IDO2: variants seen among roughly 807,000 people sequenced by gnomAD.
IDO2 encodes the protein indoleamine 2,3-dioxygenase 2, also known as indoleamine 2,3-dioxygenase-like 1 protein.
A neutral mutation model predicts 45.1 loss-of-function variants in IDO2; 46 were observed. That is an observed-to-expected ratio of 1.02 (90% CI 0.80 to 1.30). The LOEUF (loss-of-function observed/expected upper bound fraction) is 1.30. IDO2 is among the 50% of genes most tolerant of loss of function. The pLI is 0.00. For synonymous variants in IDO2, 218 were observed against 184.9 expected, an observed-to-expected ratio of 1.18 and a Z score of -1.45; for missense variants, 544 against 491.8, an observed-to-expected ratio of 1.11 and a Z score of -1.00.
chr8:39,948,342 C>G (rs1041368842), intron 1 of IDO2, among the ~76,000 whole-genome samples: 2 of 152,180 alleles, frequency 1.3e-5, no homozygotes, highest in African/African-American at 4.8e-5. Flanking sequence ...CTGCTCACCA[C>G]AGATCACTGG....
intron 2 of IDO2, among the ~76,000 whole-genome samples, chr8:39,954,020 C>T (rs575175328): frequency 5.9e-5 from 9 of 152,214 alleles, no homozygotes; most frequent in Admixed American, 3.3e-4. Context: ...ACTTAATAAC[C>T]CTTTCTGCAT....
chr8:39,947,174 A>T (rs1807747493), intron 1 of IDO2, among the ~76,000 whole-genome samples: 1 of 140,030 alleles, frequency 7.1e-6, no homozygotes, highest in South Asian at 2.1e-4. Context: ...AAGGTATCAA[A>T]AAAAAAAAAA....
intron 2 of IDO2, among the ~76,000 whole-genome samples, chr8:39,959,232 C>T (rs549048194): frequency 1.3e-5 from 2 of 151,906 alleles, no homozygotes; most frequent in South Asian, 2.1e-4. Flanking sequence ...CTTAGCCTCC[C>T]GAGTAGCTGG....
intron 1 of IDO2, among the ~76,000 whole-genome samples, chr8:39,937,981 A>G (rs1807584245): frequency 6.6e-6 from 1 of 152,230 alleles, no homozygotes; most frequent in Non-Finnish European, 1.5e-5. Context: ...GTTTTATAAT[A>G]ACAAAATGTA....
chr8:39,949,152 C>T, exon 2 of IDO2: 1 of 1,600,868 alleles, frequency 6.2e-7, no homozygotes. Context: ...CATGCAGATA[C>T]TTCAAACAAA....
Position 39,975,618 on chromosome 8 carries a change from G to A in IDO2, c.196-3449G>A, listed in dbSNP as rs1252238760. ...ACCATACAACTGAAAAATGCTTAAA[G>A]TCTGGCATGAACAGGTATTGGCAGG... On this transcript the variant is annotated intron_variant, in intron 3 of 10. Transcript: ENST00000502986. 4.6e-5 allele frequency among the ~76,000 whole-genome samples: 7 copies of A among 152,148 alleles called. No individual in the cohort carries two copies. In the East Asian group the frequency reaches 1.2e-3, roughly 25 times the overall value.
At chr8:39,940,886 C>T (rs1172316551) in intron 1 of IDO2, among the ~76,000 whole-genome samples, 1 of 148,702 alleles carries the variant, frequency 6.7e-6, no homozygotes, top group Non-Finnish European at 1.5e-5. Flanking sequence ...ACATGCAACT[C>T]TTAAGTATAT....
intron 2 of IDO2, among the ~76,000 whole-genome samples, chr8:39,960,562 C>G (rs1029107768): frequency 1.3e-5 from 2 of 152,232 alleles, no homozygotes; most frequent in African/African-American, 4.8e-5. Flanking sequence ...TACATTTTCT[C>G]TATTTTCTAA....
At chr8:39,983,736 C>T (rs977921600) in intron 5 of IDO2, among the ~76,000 whole-genome samples, 3 of 151,990 alleles carry the variant, frequency 2.0e-5, no homozygotes, top group Non-Finnish European at 4.4e-5. Flanking sequence ...CATGGTGGCA[C>T]ATACCTGTAA....
chr8:39,985,336 G>T, intron 5 of IDO2, 172 bp from the exon 6 acceptor site: 1 of 621,340 alleles, frequency 1.6e-6, no homozygotes, highest in Non-Finnish European at 2.9e-6. Context: ...GCCACAACTT[G>T]CAGAATTCAA....
At chr8:39,941,279 T>C (rs1336125943) in intron 1 of IDO2, among the ~76,000 whole-genome samples, 1 of 145,206 alleles carries the variant, frequency 6.9e-6, no homozygotes, top group African/African-American at 2.5e-5. Context: ...GCGACAATAC[T>C]CCCGGCTCTC....
At chr8:39,935,427 T>G (rs761438054) in intron 1 of IDO2, among the ~76,000 whole-genome samples, 104 of 17,424 alleles carry the variant, frequency 6.0e-3, no homozygotes, top group African/African-American at 7.1e-3. Flanking sequence ...CTTTTCTGGT[T>G]GTTGTTGTTG....
At chr8:39,945,801 G>A (rs958137361) in intron 1 of IDO2, among the ~76,000 whole-genome samples, 5 of 152,104 alleles carry the variant, frequency 3.3e-5, no homozygotes, top group South Asian at 4.1e-4. Flanking sequence ...TAGTGAAACC[G>A]CCTTTGCAAA....
intron 8 of IDO2, among the ~76,000 whole-genome samples, chr8:39,999,929 G>C (rs1802108755): frequency 6.6e-6 from 1 of 152,156 alleles, no homozygotes; most frequent in African/African-American, 2.4e-5. Context: ...TTGATTGCTG[G>C]GGTCAGGAAT....
intron 8 of IDO2, among the ~76,000 whole-genome samples, chr8:40,000,640 T>TGTTA (rs149265889): frequency 6.6e-6 from 1 of 151,762 alleles, no homozygotes; most frequent in Non-Finnish European, 1.5e-5. Flanking sequence ...CACTTATTTC[T>TGTTA]GTTTGTTTGT....
chr8:39,958,708 C>T (rs757770120), intron 2 of IDO2, among the ~76,000 whole-genome samples: 4 of 152,176 alleles, frequency 2.6e-5, no homozygotes, highest in Non-Finnish European at 5.9e-5. Context: ...ATCTCAGCCT[C>T]CCAAAGTGCT....
intron 2 of IDO2, among the ~76,000 whole-genome samples, chr8:39,959,080 C>T (rs533744601): frequency 1.3e-5 from 2 of 151,270 alleles, no homozygotes; most frequent in African/African-American, 2.4e-5. Flanking sequence ...TGTTGTGCTA[C>T]TTCAGTCTGA....
chr8:39,952,020 G>A (rs1807821526), intron 2 of IDO2, among the ~76,000 whole-genome samples: 1 of 152,204 alleles, frequency 6.6e-6, no homozygotes, highest in Non-Finnish European at 1.5e-5. Flanking sequence ...GTTTTACTGT[G>A]TTATGTTCAT....
At chr8:39,982,888 G>A in intron 5 of IDO2, 118 bp downstream of exon 5, 2 of 658,626 alleles carry the variant, frequency 3.0e-6, no homozygotes, top group Non-Finnish European at 4.9e-6. Context: ...CCAAAGAAGG[G>A]GTGAGCTTGA....
Sources: gnomAD v4.1 joint callset for allele counts (sites outside exome capture counted in the v4.1 genomes callset) on GRCh38, gnomAD v4.1.1 for gene constraint, MANE v1.5 for transcripts, NCBI Gene and HGNC (gene_info 2026-07-23, HGNC 2026-07-21) for gene names.